Variants in SUGCT observed in about 807,000 individuals in gnomAD.
The protein encoded by SUGCT is succinyl-CoA:glutarate CoA-transferase.
In SUGCT, 41 loss-of-function variants were observed where a neutral mutation model predicts 55.0. The ratio of observed to expected loss-of-function variants is 0.74; its 90% CI spans 0.58 to 0.97. The LOEUF (loss-of-function observed/expected upper bound fraction) is 0.97. Among genes scored for constraint, SUGCT ranks in the 50% least tolerant of loss-of-function variants. SUGCT has a pLI of 0.00. For synonymous variants in SUGCT, 187 were observed against 200.4 expected, an observed-to-expected ratio of 0.93 and a Z score of 0.56; for missense variants, 568 against 547.8, an observed-to-expected ratio of 1.04 and a Z score of -0.37.
At chr7:40,243,829 C>G (rs757287583) in intron 7 of SUGCT, among the ~76,000 whole-genome samples, 16 of 152,170 alleles carry the variant, frequency 1.1e-4, no homozygotes, top group Non-Finnish European at 5.9e-5. Flanking sequence ...TCTTCAGAAT[C>G]TATTTATGGC....
chr7:40,290,684 A>G (rs1469609451), intron 8 of SUGCT, among the ~76,000 whole-genome samples: 2 of 152,316 alleles, frequency 1.3e-5, no homozygotes, highest in East Asian at 1.9e-4. Context: ...GAGCTTCTGC[A>G]CAGCAAAAGA....
chr7:40,594,949 T>C (rs1458682131), intron 12 of SUGCT, among the ~76,000 whole-genome samples: 1 of 152,168 alleles, frequency 6.6e-6, no homozygotes, highest in African/African-American at 2.4e-5. Flanking sequence ...TTAGGAGAAG[T>C]TTATGGGCAA....
chr7:40,247,954 G>C (rs568416265), intron 7 of SUGCT, among the ~76,000 whole-genome samples: 9 of 149,912 alleles, frequency 6.0e-5, no homozygotes, highest in Non-Finnish European at 1.2e-4. Context: ...CTTACCCTTA[G>C]TTTTGAAGAT....
At position 40,860,668 on chromosome 7, in the gene SUGCT, C is replaced by A; in HGVS notation, c.*189C>A. The A allele has an allele frequency of 2.3e-6, 1 of 437,400 alleles. No homozygotes were observed. Among genetic ancestry groups the A allele is most frequent in the Non-Finnish European group, 3.9e-6 (1 of 259,310 alleles). The allele number at this position is 437,400 out of a possible 1,614,324, so 27.1% of individuals were successfully genotyped here. A position where few individuals can be genotyped will look rare whatever the true frequency, so the allele number is the denominator to read the frequency against. ...TCTAGTGCCTTTTAAATGTATCCCACGTTTTGTTCCCTACCATCTTTTTTT... is the reference window on the plus strand; with the variant it reads ...TCTAGTGCCTTTTAAATGTATCCCAAGTTTTGTTCCCTACCATCTTTTTTT... On this transcript the variant is annotated 3_prime_UTR_variant, in exon 14 of 14. Transcript: ENST00000335693.
intron 13 of SUGCT, among the ~76,000 whole-genome samples, chr7:40,843,074 A>T (rs1002186181): frequency 6.6e-6 from 1 of 152,246 alleles, no homozygotes; most frequent in African/African-American, 2.4e-5. Flanking sequence ...AAATACAAAG[A>T]TCTCTACCAT....
chr7:40,400,301 G>C (rs946110073), intron 9 of SUGCT, among the ~76,000 whole-genome samples: 1 of 152,080 alleles, frequency 6.6e-6, no homozygotes, highest in African/African-American at 2.4e-5. Flanking sequence ...AAAGAAAAGA[G>C]GTTTATTTGG....
At chr7:40,603,836 C>T (rs1250956707) in intron 12 of SUGCT, among the ~76,000 whole-genome samples, 1 of 152,186 alleles carries the variant, frequency 6.6e-6, no homozygotes, top group African/African-American at 2.4e-5. Context: ...CCACTATTTT[C>T]TATTTCTAGA....
chr7:40,402,586 T>A (rs1448809620), intron 9 of SUGCT, among the ~76,000 whole-genome samples: 1 of 152,190 alleles, frequency 6.6e-6, no homozygotes, highest in Non-Finnish European at 1.5e-5. Flanking sequence ...GGTACCTGTT[T>A]TTTTTTTCTG....
At chr7:40,931,134 G>C in the SUGCT span, among the ~76,000 whole-genome samples, 1 of 152,146 alleles carries the variant, frequency 6.6e-6, no homozygotes, top group Non-Finnish European at 1.5e-5. Flanking sequence ...AGCATGAAGG[G>C]CAGTTGAATT....
the SUGCT span, among the ~76,000 whole-genome samples, chr7:40,900,242 C>G: frequency 6.6e-6 from 1 of 152,228 alleles, no homozygotes; most frequent in Admixed American, 6.5e-5. Flanking sequence ...CTTGCTGAAG[C>G]CACATTTCTA....
intron 12 of SUGCT, among the ~76,000 whole-genome samples, chr7:40,554,619 G>C (rs1346822523): frequency 1.3e-5 from 2 of 152,194 alleles, no homozygotes; most frequent in Non-Finnish European, 2.9e-5. Flanking sequence ...TTTTACAGAA[G>C]AGGTGTGTTG....
intron 12 of SUGCT, among the ~76,000 whole-genome samples, chr7:40,514,325 T>G (rs1231549472): frequency 1.3e-5 from 2 of 152,170 alleles, no homozygotes; most frequent in East Asian, 3.8e-4. Flanking sequence ...GTGCCAGCTG[T>G]GCAAGGCATT....
intron 12 of SUGCT, among the ~76,000 whole-genome samples, chr7:40,509,737 A>G (rs2151548558): frequency 6.6e-6 from 1 of 151,710 alleles, no homozygotes. Context: ...ACAGGAGTAA[A>G]AAAGTTAATC....
At chr7:41,012,857 T>C in the SUGCT span, among the ~76,000 whole-genome samples, 8 of 152,100 alleles carry the variant, frequency 5.3e-5, no homozygotes, top group African/African-American at 1.9e-4. Flanking sequence ...TCAGAATCTA[T>C]GATGAAAATT....
chr7:40,544,502 A>G (rs1020084721), intron 12 of SUGCT, among the ~76,000 whole-genome samples: 18 of 152,186 alleles, frequency 1.2e-4, no homozygotes, highest in African/African-American at 4.3e-4. Context: ...CAAGTTCCAC[A>G]TTAAATCTGT....
At chr7:40,248,927 C>CA (rs761043432) in intron 7 of SUGCT, among the ~76,000 whole-genome samples, 2,512 of 140,218 alleles carry the variant, frequency 0.018, 36 homozygotes, top group South Asian at 0.029. Context: ...CACACACACT[C>CA]CCTCTCTCTC....
chr7:40,217,020 A>T (rs905198587), intron 6 of SUGCT, among the ~76,000 whole-genome samples: 1 of 151,730 alleles, frequency 6.6e-6, no homozygotes, highest in African/African-American at 2.4e-5. Context: ...CCCCCCCCTC[A>T]GTCTTATATT....
intron 1 of SUGCT, among the ~76,000 whole-genome samples, chr7:40,149,581 G>C (rs115185816): frequency 2.0e-5 from 3 of 152,072 alleles, no homozygotes; most frequent in Non-Finnish European, 2.9e-5. Context: ...CCAGGATTTC[G>C]AGACCAACCT....
chr7:40,742,477 C>A (rs1006752726), intron 12 of SUGCT, among the ~76,000 whole-genome samples: 4 of 152,112 alleles, frequency 2.6e-5, no homozygotes, highest in African/African-American at 9.7e-5. Context: ...AGCGTCCAAC[C>A]GAGATCCCTC....
Sources: gnomAD v4.1 joint callset for allele counts (sites outside exome capture counted in the v4.1 genomes callset) on GRCh38, gnomAD v4.1.1 for gene constraint, MANE v1.5 for transcripts, NCBI Gene and HGNC (gene_info 2026-07-23, HGNC 2026-07-21) for gene names.